CSNK2A2IP: variants seen among roughly 807,000 people sequenced by gnomAD.
CSNK2A2IP encodes casein kinase II subunit alpha'-interacting protein.
chr3:88,356,947 G>A, the CSNK2A2IP span, among the ~76,000 whole-genome samples: 1 of 151,926 alleles, frequency 6.6e-6, no homozygotes, highest in Non-Finnish European at 1.5e-5. Flanking sequence ...ATTAGATGAT[G>A]ATGGTGATGC....
At chr3:88,400,180 T>C in the CSNK2A2IP span, among the ~76,000 whole-genome samples, 1 of 152,130 alleles carries the variant, frequency 6.6e-6, no homozygotes, top group African/African-American at 2.4e-5. Context: ...CAGAGAAATG[T>C]TAGTTTCTGA....
the CSNK2A2IP span, among the ~76,000 whole-genome samples, chr3:88,400,804 T>A: frequency 2.0e-5 from 3 of 152,206 alleles, no homozygotes; most frequent in African/African-American, 7.2e-5. Context: ...ATTTGTGTTA[T>A]CCTAAGACAC....
the CSNK2A2IP span, among the ~76,000 whole-genome samples, chr3:88,405,055 A>G: frequency 2.0e-5 from 3 of 152,030 alleles, no homozygotes; most frequent in African/African-American, 7.2e-5. Context: ...TTTAGCTAGA[A>G]TCCACCTTTA....
chr3:88,355,369 T>C, the CSNK2A2IP span, among the ~76,000 whole-genome samples: 1 of 152,076 alleles, frequency 6.6e-6, no homozygotes, highest in Admixed American at 6.5e-5. Flanking sequence ...CCCAGGCAAA[T>C]GGAGCTCCTG....
the CSNK2A2IP span, among the ~76,000 whole-genome samples, chr3:88,394,530 G>A: frequency 7.9e-5 from 12 of 152,014 alleles, no homozygotes; most frequent in Non-Finnish European, 1.0e-4. Context: ...CCGCCACCAC[G>A]GCCAGCGAAT....
the CSNK2A2IP span, among the ~76,000 whole-genome samples, chr3:88,349,321 T>C: frequency 6.6e-6 from 1 of 151,996 alleles, no homozygotes; most frequent in Admixed American, 6.6e-5. Context: ...CAGTCCACTA[T>C]ATTGCTCTGT....
At chr3:88,388,207 A>T in the CSNK2A2IP span, among the ~76,000 whole-genome samples, 1 of 152,176 alleles carries the variant, frequency 6.6e-6, no homozygotes, top group Non-Finnish European at 1.5e-5. Context: ...ATATAAATTT[A>T]TGATTAAATC....
At chr3:88,392,549 G>A in the CSNK2A2IP span, among the ~76,000 whole-genome samples, 6 of 152,166 alleles carry the variant, frequency 3.9e-5, no homozygotes, top group Non-Finnish European at 8.8e-5. Context: ...TTAGTAAAGA[G>A]AGAGTTCCAA....
the CSNK2A2IP span, among the ~76,000 whole-genome samples, chr3:88,375,781 C>T: frequency 2.6e-5 from 4 of 151,704 alleles, no homozygotes; most frequent in Admixed American, 1.3e-4. Context: ...ATTATTCTCA[C>T]AAAAACTCAA....
At chr3:88,352,942 G>A in the CSNK2A2IP span, among the ~76,000 whole-genome samples, 3 of 151,850 alleles carry the variant, frequency 2.0e-5, no homozygotes, top group African/African-American at 4.8e-5. Flanking sequence ...ACATGCAAAG[G>A]GCCAATTCTA....
chr3:88,344,116 C>A, the CSNK2A2IP span, among the ~76,000 whole-genome samples: 1 of 151,858 alleles, frequency 6.6e-6, no homozygotes, highest in African/African-American at 2.4e-5. Flanking sequence ...CCAGAAATTG[C>A]AACCAGGCTC....
the CSNK2A2IP span, among the ~76,000 whole-genome samples, chr3:88,437,530 A>T: frequency 3.5e-4 from 53 of 152,306 alleles, no homozygotes; most frequent in Admixed American, 2.0e-3. Flanking sequence ...TTATTGTAAA[A>T]CTATTCTTAA....
At chr3:88,449,872 T>TAGAGAGAGAGAGAGAGAGAGAGAGAG in the CSNK2A2IP span, among the ~76,000 whole-genome samples, 1 of 79,042 alleles carries the variant, frequency 1.3e-5, no homozygotes, top group Non-Finnish European at 2.8e-5. Flanking sequence ...TATATATATA[T>TAGAGAGAGAGAGAGAGAGAGAGAGAG]ATAGAGAGAG....
At chr3:88,445,299 A>AAAAAAAAAG in the CSNK2A2IP span, among the ~76,000 whole-genome samples, 1 of 149,158 alleles carries the variant, frequency 6.7e-6, no homozygotes, top group African/African-American at 2.4e-5. Context: ...AAAAAAAAAA[A>AAAAAAAAAG]ATTAGCCAGG....
At chr3:88,416,752 C>G in the CSNK2A2IP span, among the ~76,000 whole-genome samples, 1 of 152,142 alleles carries the variant, frequency 6.6e-6, no homozygotes, top group Non-Finnish European at 1.5e-5. Flanking sequence ...ACTTTCTTTT[C>G]AAGAAATATT....
chr3:88,466,757 C>T, the CSNK2A2IP span: 2 of 855,642 alleles, frequency 2.3e-6, no homozygotes, highest in Non-Finnish European at 3.1e-6. Flanking sequence ...CATCCTGGTC[C>T]TCGCTTGTCA....
the CSNK2A2IP span, among the ~76,000 whole-genome samples, chr3:88,464,132 G>A: frequency 7.5e-5 from 11 of 147,198 alleles, no homozygotes; most frequent in Admixed American, 1.4e-4. Context: ...ATGGACACAG[G>A]AAGGGGAACA....
chr3:88,375,369 A>G, the CSNK2A2IP span, among the ~76,000 whole-genome samples: 1 of 151,796 alleles, frequency 6.6e-6, no homozygotes, highest in East Asian at 1.9e-4. Flanking sequence ...TTATGGTAGA[A>G]GGGAAGGGAA....
At chr3:88,405,843 A>G in the CSNK2A2IP span, among the ~76,000 whole-genome samples, 2 of 152,020 alleles carry the variant, frequency 1.3e-5, no homozygotes, top group Admixed American at 6.6e-5. Flanking sequence ...TCTTTATTCC[A>G]TTAGGGAGCT....
Sources: allele counts gnomAD v4.1 joint callset (sites outside exome capture counted in the v4.1 genomes callset), GRCh38; gene constraint gnomAD v4.1.1; transcripts MANE v1.5; gene names NCBI Gene and HGNC (gene_info 2026-07-23, HGNC 2026-07-21).